Variants in ZNF665 observed in about 807,000 individuals in gnomAD.
ZNF665 encodes zinc finger protein 665.
ZNF665 carries 6 observed loss-of-function variants against 7.9 expected under a neutral mutation model. That is an observed-to-expected ratio of 0.76 (90% CI 0.42 to 1.50). The LOEUF (loss-of-function observed/expected upper bound fraction) is 1.50. ZNF665 is among the 40% of genes most tolerant of loss of function. The pLI is 0.01. For missense variants in ZNF665, 819 were observed against 806.7 expected (o/e 1.02, Z -0.18); for synonymous variants, 242 against 274.5 (o/e 0.88, Z 1.17).
Position 53,165,393 on chromosome 19 carries a change from C to T in ZNF665, c.1097G>A (p.Arg366Gln), listed in dbSNP as rs766056086. Residue 366 changes from arginine to glutamine, a missense_variant, in exon 4 of 4, where the codon CGA (arginine) becomes CAA (glutamine). By Grantham distance (43) the Arg-to-Gln change is conservative. Coordinates refer to ENST00000396424, the MANE Select transcript of ZNF665 (RefSeq NM_024733.5). ...RHNSYLAKHRRIHTGEKPYKC... is the reference protein window; with the variant it reads ...RHNSYLAKHRQIHTGEKPYKC... Reference sequence around the variant, plus strand: ...GTAAGGTTTCTCACCAGTATGAATTCGCCGATGCTTTGCAAGGTATGAATT... The same window carrying T: ...GTAAGGTTTCTCACCAGTATGAATTTGCCGATGCTTTGCAAGGTATGAATT... 27 of 1,614,046 alleles carry T rather than the reference C, an allele frequency of 1.7e-5. No individual in the cohort carries two copies. Among genetic ancestry groups the T allele is most frequent in the Middle Eastern group, 1.6e-4 (1 of 6,084 alleles).
chr19:53,183,348 G>T (rs150612644), intron 1 of ZNF665, among the ~76,000 whole-genome samples: 1 of 152,126 alleles, frequency 6.6e-6, no homozygotes, highest in African/African-American at 2.4e-5. Context: ...CAGTGCCCTG[G>T]TGCTCAATAG....
Position 53,164,813 on chromosome 19 carries a change from A to G in ZNF665, c.1677T>C (p.Ile559=). ...TCTCACCAGTGTGAATTCTCTGATG[A>G]ATTGCAAGGTACGAATTGTGTCTGA... is the stretch of plus-strand genomic sequence containing the variant. ...KVFRHNSYLA[I]HQRIHTGEKP... The change falls in exon 4 of 4, where the codon ATT becomes ATC. Residue 559 remains isoleucine, a synonymous_variant. Coordinates refer to ENST00000396424, the MANE Select transcript of ZNF665 (RefSeq NM_024733.5). The G allele has an allele frequency of 6.2e-7, 1 of 1,614,152 alleles. No homozygotes were observed. The highest frequency in any genetic ancestry group is 8.5e-7 in the Non-Finnish European group (1 of 1,180,012).
At chr19:53,180,301 C>T (rs1394705143) in intron 2 of ZNF665, among the ~76,000 whole-genome samples, 1 of 151,870 alleles carries the variant, frequency 6.6e-6, no homozygotes, top group African/African-American at 2.4e-5. Context: ...GGTGTGATGG[C>T]AGACACCTGT....
intron 2 of ZNF665, chr19:53,182,492 T>C (rs1599882719): frequency 1.9e-6 from 1 of 529,828 alleles, no homozygotes; most frequent in East Asian, 3.0e-5. Flanking sequence ...TTTTACAGCA[T>C]TTCGTGGGTG....
chr19:53,178,630 G>C (rs1470311873), intron 2 of ZNF665, among the ~76,000 whole-genome samples: 10 of 152,066 alleles, frequency 6.6e-5, no homozygotes, highest in Non-Finnish European at 1.0e-4. Context: ...AGAAATGAGA[G>C]AATGTTGGAG....
chr19:53,185,180 C>T (rs1301424579), intron 1 of ZNF665, among the ~76,000 whole-genome samples: 3 of 151,584 alleles, frequency 2.0e-5, no homozygotes, highest in African/African-American at 7.3e-5. Context: ...TCTCTAAACT[C>T]CCCCGGGGAA....
At chr19:53,171,504 G>GTGTGTATATATATATATATA (rs140482885) in intron 3 of ZNF665, among the ~76,000 whole-genome samples, 124 of 57,716 alleles carry the variant, frequency 2.1e-3, no homozygotes, top group East Asian at 3.5e-3. Flanking sequence ...GTGTGTGTGT[G>GTGTGTATATATATATATATA]TATATATATA....
intron 2 of ZNF665, among the ~76,000 whole-genome samples, chr19:53,177,600 C>T (rs2090708296): frequency 6.6e-6 from 1 of 151,976 alleles, no homozygotes; most frequent in Non-Finnish European, 1.5e-5. Flanking sequence ...TTATCTCTAC[C>T]AGTGTTAGAT....
At chr19:53,192,035 A>G (rs1047673436) in intron 1 of ZNF665, among the ~76,000 whole-genome samples, 1 of 150,556 alleles carries the variant, frequency 6.6e-6, no homozygotes, top group African/African-American at 2.4e-5. Context: ...TCTGTGTTTC[A>G]GCCTGGGTCT....
Position 53,166,240 on chromosome 19 carries a change from C to A in ZNF665, c.250G>T (p.Val84Leu). ...KLERLESCDT[V>L]GLSFQEVQKN... Reference sequence around the variant, plus strand: ...TGAACTTCCTGGAAGGACAAGCCTACAGTGTCACAGCTTTCAAGTCTCTCC... The same window carrying A: ...TGAACTTCCTGGAAGGACAAGCCTAAAGTGTCACAGCTTTCAAGTCTCTCC... The change falls in exon 4 of 4, where the codon GTA becomes TTA. Residue 84 changes from valine to leucine, a missense_variant. Transcript: ENST00000396424. 6.2e-7 allele frequency: 1 copy of A among 1,613,980 alleles called. No individual in the cohort carries two copies. The highest frequency in any genetic ancestry group is 1.1e-5 in the South Asian group (1 of 91,078).
intron 3 of ZNF665, 76 bp from the exon 4 acceptor site, chr19:53,166,423 T>C (rs1290824425): frequency 3.1e-6 from 4 of 1,283,292 alleles, no homozygotes; most frequent in East Asian, 4.8e-5. Context: ...AAAAACCTAA[T>C]GTTACACCAA....
At chr19:53,175,045 A>C (rs2090686604) in intron 3 of ZNF665, among the ~76,000 whole-genome samples, 1 of 152,240 alleles carries the variant, frequency 6.6e-6, no homozygotes, top group East Asian at 1.9e-4. Context: ...TTACATGAGA[A>C]GAGAGGAAAC....
intron 2 of ZNF665, 183 bp downstream of exon 2, chr19:53,182,701 T>A (rs2090747099): frequency 8.4e-7 from 1 of 1,191,858 alleles, no homozygotes; most frequent in Non-Finnish European, 1.2e-6. Context: ...CTTCCCAAGT[T>A]CATGTCACTG....
In ZNF665 at chr19:53,164,420, G is replaced by A. The variant is rs1042794479; in HGVS notation, c.*33C>T. Reference sequence around the variant, plus strand: ...CCCAAAGTGCTGGGATTACAGGCGTGAGCCACCACGCCCGGCGTCCTTTGT... The same window carrying A: ...CCCAAAGTGCTGGGATTACAGGCGTAAGCCACCACGCCCGGCGTCCTTTGT... On this transcript the variant is annotated 3_prime_UTR_variant, in exon 4 of 4. Transcript: ENST00000396424. 28 of 1,503,270 alleles carry A rather than the reference G, an allele frequency of 1.9e-5. No homozygotes were observed. Among genetic ancestry groups the A allele is most frequent in the Non-Finnish European group, 2.5e-5 (28 of 1,124,072 alleles). The allele number at this position is 1,503,270 out of a possible 1,614,324, so 93.1% of individuals were successfully genotyped here.
intron 1 of ZNF665, among the ~76,000 whole-genome samples, chr19:53,188,786 C>T (rs1357364590): frequency 2.0e-5 from 3 of 151,938 alleles, no homozygotes. Flanking sequence ...CAAGCTCTGC[C>T]TCCTGGGTTC....
Position 53,165,811 on chromosome 19 carries a change from T to C in ZNF665, c.679A>G (p.Ile227Val), listed in dbSNP as rs1174821560. ...VRSNLTIHQV[I>V]HTGEKPYKCN... ...TTGTAAGGTTTTTCTCCAGTATGGA[T>C]GACCTGATGGATTGTTAGGTTTGAA... is the stretch of plus-strand genomic sequence containing the variant. Residue 227 changes from isoleucine to valine, a missense_variant, in exon 4 of 4, where the codon ATC becomes GTC. By Grantham distance (29) the Ile-to-Val change is conservative (BLOSUM62 3). Coordinates refer to ENST00000396424, the MANE Select transcript of ZNF665 (RefSeq NM_024733.5). 6.2e-7 allele frequency: 1 copy of C among 1,614,054 alleles called. No homozygotes were observed. Among genetic ancestry groups the C allele is most frequent in the Non-Finnish European group, 8.5e-7 (1 of 1,180,022 alleles).
chr19:53,165,939 C>A lies in ZNF665; in HGVS notation c.551G>T (p.Gly184Val). 6.2e-7 allele frequency: 1 copy of A among 1,614,042 alleles called. No individual in the cohort carries two copies. Among genetic ancestry groups the A allele is most frequent in the Non-Finnish European group, 8.5e-7 (1 of 1,180,008 alleles). The stretch of plus-strand genomic sequence containing the variant: ...CCGTGAGTTTTGACTGAAGACCTTG[C>A]CACATTCATCACATTTATAATGTTT... The part of the protein sequence containing the change: ...RGKHYKCDEC[G>V]KVFSQNSRLT... The change falls in exon 4 of 4, where the codon GGC becomes GTC. Residue 184 changes from glycine (G) to valine (V), a missense_variant. Transcript: ENST00000396424.
intron 1 of ZNF665, among the ~76,000 whole-genome samples, chr19:53,183,445 G>A (rs1322037783): frequency 6.6e-6 from 1 of 152,188 alleles, no homozygotes; most frequent in Non-Finnish European, 1.5e-5. Flanking sequence ...CTGCTAAGGG[G>A]GCGTAAGAGA....
In ZNF665 at chr19:53,166,293, A is replaced by G. The variant is rs2090615252; in HGVS notation, c.197T>C (p.Met66Thr). The change falls in exon 4 of 4, where the codon ATG (methionine) becomes ACG (threonine). Residue 66 changes from methionine to threonine, a missense_variant. Coordinates refer to ENST00000396424, the MANE Select transcript of ZNF665 (RefSeq NM_024733.5). ...CTTCACCGTGTAGAACGCTTCTCCC[A>G]TATTGTTCTTCCCCTTTGGTGGCAA... ...TDLPPKGKNNMGEAFYTVKLE... is the reference protein window; with the variant it reads ...TDLPPKGKNNTGEAFYTVKLE... 6.2e-7 allele frequency: 1 copy of G among 1,607,066 alleles called. No homozygotes were observed. The highest frequency in any genetic ancestry group is 8.5e-7 in the Non-Finnish European group (1 of 1,177,460).
Sources: gnomAD v4.1 joint callset for allele counts (sites outside exome capture counted in the v4.1 genomes callset) on GRCh38, gnomAD v4.1.1 for gene constraint, MANE v1.5 for transcripts, NCBI Gene and HGNC (gene_info 2026-07-23, HGNC 2026-07-21) for gene names.